The following C12orf42 variants were observed in gnomAD, a reference collection of about 807,000 sequenced individuals.
C12orf42 encodes the protein uncharacterized protein C12orf42.
Under a neutral mutation model 21.6 loss-of-function variants are expected in C12orf42, and 25 were observed. The ratio of observed to expected loss-of-function variants is 1.16; its 90% CI spans 0.84 to 1.62. C12orf42 has a LOEUF of 1.62. Among genes scored for constraint, C12orf42 ranks in the 40% most tolerant of loss-of-function variants. The pLI, the probability that C12orf42 is intolerant of heterozygous loss-of-function variation, is 0.00. For missense variants in C12orf42, 483 were observed against 459.3 expected (o/e 1.05, Z -0.47); for synonymous variants, 174 against 175.0 (o/e 0.99, Z 0.05).
intron 2 of C12orf42, among the ~76,000 whole-genome samples, chr12:103,428,721 A>G (rs1950036731): frequency 6.6e-6 from 1 of 152,216 alleles, no homozygotes; most frequent in Non-Finnish European, 1.5e-5. Flanking sequence ...AATCCTTAAT[A>G]AAATACTGGC....
Position 103,376,111 on chromosome 12 carries a change from G to A in C12orf42, c.148-7113C>T, listed in dbSNP as rs573317017. ...AAATTTCCGTCTTACTTACACACAC[G>A]TTTAGTGCAGCACTCTTTACAATAG... On this transcript the variant is annotated intron_variant, in intron 3 of 5. Coordinates refer to ENST00000548883, the MANE Select transcript of C12orf42 (RefSeq NM_198521.5). Among the ~76,000 whole-genome samples, 59 of 152,170 alleles carry A rather than the reference G, an allele frequency of 3.9e-4. 1 individual carries two copies. In the South Asian group the frequency reaches 8.7e-3, roughly 22 times the overall value.
chr12:103,337,757 T>G (rs2041826783), intron 4 of C12orf42, among the ~76,000 whole-genome samples: 1 of 152,080 alleles, frequency 6.6e-6, no homozygotes, highest in African/African-American at 2.4e-5. Context: ...TCTATTCTCC[T>G]CAGAACAAAA....
intron 2 of C12orf42, among the ~76,000 whole-genome samples, chr12:103,467,774 T>C (rs745681580): frequency 2.0e-5 from 3 of 152,208 alleles, no homozygotes; most frequent in Non-Finnish European, 2.9e-5. Context: ...TATGCTGTGA[T>C]CTAGCTATTC....
chr12:103,204,903 A>T, the C12orf42 span, among the ~76,000 whole-genome samples: 1 of 152,290 alleles, frequency 6.6e-6, no homozygotes, highest in East Asian at 1.9e-4. Context: ...ATATATAAAG[A>T]TCTTATTTAA....
the C12orf42 span, among the ~76,000 whole-genome samples, chr12:103,210,233 T>C: frequency 6.6e-6 from 1 of 152,242 alleles, no homozygotes; most frequent in Non-Finnish European, 1.5e-5. Context: ...TTTACATTGT[T>C]GTGTCTAGGT....
chr12:103,222,122 G>A, the C12orf42 span, among the ~76,000 whole-genome samples: 8 of 152,250 alleles, frequency 5.3e-5, no homozygotes, highest in South Asian at 6.2e-4. Flanking sequence ...TTTTTCATGC[G>A]CGTCCCTGTG....
the C12orf42 span, among the ~76,000 whole-genome samples, chr12:103,212,659 A>G: frequency 6.6e-6 from 1 of 152,170 alleles, no homozygotes; most frequent in Non-Finnish European, 1.5e-5. Flanking sequence ...GTCTATGTTC[A>G]TTAAATCACT....
the C12orf42 span, among the ~76,000 whole-genome samples, chr12:103,055,045 C>CT: frequency 6.6e-6 from 1 of 151,736 alleles, no homozygotes; most frequent in Non-Finnish European, 1.5e-5. Flanking sequence ...TTTGTACAGG[C>CT]TTTTTTCTGG....
At chr12:103,272,075 G>T (rs908556421) in intron 5 of C12orf42, among the ~76,000 whole-genome samples, 5 of 152,094 alleles carry the variant, frequency 3.3e-5, no homozygotes, top group African/African-American at 1.2e-4. Context: ...TAATATACAG[G>T]ATGCTGTGCC....
At chr12:103,478,271 A>C (rs180897436) in intron 2 of C12orf42, 78 bp downstream of exon 2, 8 of 881,780 alleles carry the variant, frequency 9.1e-6, no homozygotes, top group African/African-American at 6.7e-5. Flanking sequence ...TGAATCAAGA[A>C]TCACAATTAG....
chr12:103,084,204 C>T, the C12orf42 span, among the ~76,000 whole-genome samples: 2 of 152,116 alleles, frequency 1.3e-5, no homozygotes, highest in Admixed American at 6.5e-5. Flanking sequence ...TGTTCAATTG[C>T]CTCTGTAACA....
intron 10 of C12orf42, chr12:103,262,416 T>A (rs923281259): frequency 3.3e-5 from 5 of 152,218 alleles, no homozygotes; most frequent in African/African-American, 4.8e-5. Context: ...TTGCATACGG[T>A]TTAATTCCAG....
the C12orf42 span, among the ~76,000 whole-genome samples, chr12:103,529,952 G>T: frequency 6.6e-6 from 1 of 152,008 alleles, no homozygotes; most frequent in African/African-American, 2.4e-5. Flanking sequence ...GATACCAAAA[G>T]AATGGGGCTT....
the C12orf42 span, among the ~76,000 whole-genome samples, chr12:103,219,729 T>C: frequency 2.6e-4 from 39 of 152,164 alleles, no homozygotes; most frequent in African/African-American, 8.0e-4. Context: ...TCACACCAGT[T>C]AGAATGGCGA....
the C12orf42 span, among the ~76,000 whole-genome samples, chr12:103,104,947 A>C: frequency 6.6e-6 from 1 of 152,330 alleles, no homozygotes; most frequent in Non-Finnish European, 1.5e-5. Flanking sequence ...AGGACAAAAA[A>C]GTCTCCACCT....
the C12orf42 span, among the ~76,000 whole-genome samples, chr12:103,079,834 A>G: frequency 6.6e-6 from 1 of 152,212 alleles, no homozygotes; most frequent in East Asian, 1.9e-4. Flanking sequence ...TCTGTCCTGA[A>G]GTGAAGAATG....
chr12:103,195,254 T>C, the C12orf42 span, among the ~76,000 whole-genome samples: 1 of 152,200 alleles, frequency 6.6e-6, no homozygotes, highest in Non-Finnish European at 1.5e-5. Context: ...ATGATGAATA[T>C]ACACATGCAT....
the C12orf42 span, among the ~76,000 whole-genome samples, chr12:103,507,204 T>A: frequency 2.8e-5 from 1 of 35,406 alleles, no homozygotes; most frequent in African/African-American, 2.1e-4. Flanking sequence ...TATATTTATA[T>A]TATATATATA....
At chr12:103,499,638 T>G (rs1955669928), upstream of C12orf42, among the ~76,000 whole-genome samples, 1 of 152,218 alleles carries the variant, frequency 6.6e-6, no homozygotes, top group Non-Finnish European at 1.5e-5. Context: ...AGCACACTTG[T>G]TTTAAGCAGA....
Sources: gnomAD v4.1 joint callset for allele counts (sites outside exome capture counted in the v4.1 genomes callset) on GRCh38, gnomAD v4.1.1 for gene constraint, MANE v1.5 for transcripts, NCBI Gene and HGNC (gene_info 2026-07-23, HGNC 2026-07-21) for gene names.